The following FAT4 variants were observed in gnomAD, a reference collection of about 807,000 sequenced individuals.
FAT4 encodes the protein FAT atypical cadherin 4.
FAT4 carries 84 observed loss-of-function variants against 303.9 expected under a neutral mutation model. The observed-to-expected ratio is 0.28, with a 90% CI of 0.23 to 0.33. FAT4 has a LOEUF of 0.33. Ranked by LOEUF, FAT4 falls within the 10% of genes least tolerant of loss-of-function variation. FAT4 has a pLI of 1.00. For synonymous variants in FAT4, 2,307 were observed against 2,298.8 expected (o/e 1.00, Z -0.10); for missense variants, 6,005 against 6,146.8 (o/e 0.98, Z 0.77).
At chr4:125,324,257 T>G (rs1159515940) in intron 2 of FAT4, among the ~76,000 whole-genome samples, 2 of 152,226 alleles carry the variant, frequency 1.3e-5, no homozygotes, top group East Asian at 3.9e-4. Flanking sequence ...AATAGATATA[T>G]GTACTTCAGT....
chr4:125,357,618 T>C (rs1412036881), intron 2 of FAT4, among the ~76,000 whole-genome samples: 1 of 152,200 alleles, frequency 6.6e-6, no homozygotes, highest in Non-Finnish European at 1.5e-5. Flanking sequence ...CTCATTCTTA[T>C]GGATTTTACT....
chr4:125,400,028 C>A (rs1734323322), intron 3 of FAT4, among the ~76,000 whole-genome samples: 1 of 151,736 alleles, frequency 6.6e-6, no homozygotes, highest in Admixed American at 6.6e-5. Context: ...CATAAAATTT[C>A]ATTAACTCTT....
chr4:125,391,065 G>A (rs1733957547), intron 2 of FAT4, among the ~76,000 whole-genome samples: 1 of 152,154 alleles, frequency 6.6e-6, no homozygotes, highest in African/African-American at 2.4e-5. Flanking sequence ...CTTTTACACT[G>A]TTGGGGGTAA....
rs761822656 is a variant in FAT4, at chr4:125,320,410, C to T, written c.3999C>T (p.Leu1333=). The change falls in exon 2 of 18, where the codon CTC becomes CTT. Residue 1333 remains leucine (L), a synonymous_variant. Coordinates refer to ENST00000394329, the MANE Select transcript of FAT4 (RefSeq NM_001291303.3). The part of the protein sequence containing the change: ...DVLENMRIGE[L]VSSVTATDSD... ...TGGAAAACATGAGAATTGGTGAACTCGTGTCCTCTGTTACTGCAACTGATT... is the reference window on the plus strand; with the variant it reads ...TGGAAAACATGAGAATTGGTGAACTTGTGTCCTCTGTTACTGCAACTGATT... The T allele has an allele frequency of 1.2e-5, 19 of 1,613,854 alleles. No homozygotes were observed. Among genetic ancestry groups the T allele is most frequent in the African/African-American group, 5.3e-5 (4 of 74,924 alleles).
chr4:125,398,710 C>G (rs1734271817), intron 2 of FAT4, 74 bp from the exon 3 acceptor site: 1 of 1,471,252 alleles, frequency 6.8e-7, no homozygotes, highest in Non-Finnish European at 9.3e-7. Flanking sequence ...TGCGTGGATT[C>G]CTGGTAGTCA....
At chr4:125,337,468 C>T (rs910691029) in intron 2 of FAT4, among the ~76,000 whole-genome samples, 1 of 152,016 alleles carries the variant, frequency 6.6e-6, no homozygotes, top group Non-Finnish European at 1.5e-5. Context: ...TATACCTAAA[C>T]TTGCCTCCTA....
intron 14 of FAT4, chr4:125,477,539 TTATACA>T (rs1727073403): frequency 3.2e-6 from 1 of 310,396 alleles, no homozygotes; most frequent in African/African-American, 5.6e-5. Context: ...TTCTAGATTC[TTATACA>T]TATATATATA....
chr4:125,372,059 A>G (rs1181786040), intron 2 of FAT4, among the ~76,000 whole-genome samples: 1 of 152,072 alleles, frequency 6.6e-6, no homozygotes, highest in Non-Finnish European at 1.5e-5. Context: ...AAAAACGTTG[A>G]ATCAAGGCTG....
chr4:125,352,969 G>A (rs997813063), intron 2 of FAT4, among the ~76,000 whole-genome samples: 1 of 151,712 alleles, frequency 6.6e-6, no homozygotes, highest in Non-Finnish European at 1.5e-5. Flanking sequence ...CTTGATGAAT[G>A]TGTTTTTAAT....
At chr4:125,334,393 A>C (rs1051305255) in intron 2 of FAT4, among the ~76,000 whole-genome samples, 1 of 152,042 alleles carries the variant, frequency 6.6e-6, no homozygotes, top group African/African-American at 2.4e-5. Context: ...CCATTTGCAA[A>C]GATCCTGGAT....
chr4:125,488,736 G>C (rs1036603256), intron 17 of FAT4, among the ~76,000 whole-genome samples: 1 of 152,160 alleles, frequency 6.6e-6, no homozygotes, highest in African/African-American at 2.4e-5. Flanking sequence ...GGATGGATGG[G>C]CTGGAAATCA....
At position 125,317,329 on chromosome 4, in the gene FAT4, G is replaced by A. The variant is rs749113024; in HGVS notation, c.918G>A (p.Thr306=). ...FQMDPETGLI[T]VREPLDFEAR... is the part of the protein sequence containing the mutation. ...TGGACCCTGAGACGGGACTTATCAC[G>A]GTGCGGGAGCCCCTGGACTTCGAAG... Residue 306 remains threonine, a synonymous_variant, in exon 2 of 18, where the codon ACG becomes ACA. Coordinates refer to ENST00000394329, the MANE Select transcript of FAT4 (RefSeq NM_001291303.3). The surrounding 1 kb of genome is among the most constrained non-coding windows in gnomAD (Gnocchi z 7.0). 6.2e-7 allele frequency: 1 copy of A among 1,609,816 alleles called. No individual in the cohort carries two copies. Among genetic ancestry groups the A allele is most frequent in the African/African-American group, 1.3e-5 (1 of 74,978 alleles).
rs1039342851 is a variant in FAT4 at position 125,315,637 on chromosome 4, T to C, written c.-353T>C. ...CTGTTGTTTGTGCCGGACCACGGGC[T>C]TGAAGCCGCAACAGGGGCGGCGGCG... is the stretch of plus-strand genomic sequence containing the variant. On this transcript the variant is annotated 5_prime_UTR_variant, in exon 1 of 18. Transcript: ENST00000394329. Among the ~76,000 whole-genome samples, 1 of 152,160 alleles carries C rather than the reference T, an allele frequency of 6.6e-6. No homozygotes were observed. The highest frequency in any genetic ancestry group is 1.5e-5 in the Non-Finnish European group (1 of 68,024).
At chr4:125,407,747 A>AT (rs1023975029) in intron 4 of FAT4, among the ~76,000 whole-genome samples, 51 of 151,904 alleles carry the variant, frequency 3.4e-4, no homozygotes, top group Non-Finnish European at 5.2e-4. Flanking sequence ...TTATATTGTG[A>AT]TTTTTTTTAG....
chr4:125,324,309 C>G (rs1307184890), intron 2 of FAT4, among the ~76,000 whole-genome samples: 1 of 150,008 alleles, frequency 6.7e-6, no homozygotes, highest in Non-Finnish European at 1.5e-5. Context: ...GAACATGCAA[C>G]TTAGGAACGT....
intron 2 of FAT4, among the ~76,000 whole-genome samples, chr4:125,354,146 T>A (rs1732338480): frequency 6.6e-6 from 1 of 151,724 alleles, no homozygotes; most frequent in Non-Finnish European, 1.5e-5. Flanking sequence ...TTCTGTAAAC[T>A]GCTATTACTA....
At position 125,490,651 on chromosome 4, in the gene FAT4, T is replaced by G; in HGVS notation, c.13835T>G (p.Leu4612Trp). ...TCAGAAACCATCCCCAGCGCCCCTT[T>G]GGCATCTCCAGAGCAGGAGATAGAG... is the stretch of plus-strand genomic sequence containing the variant. ...HNSETIPSAPLASPEQEIEHY... is the reference protein window; with the variant it reads ...HNSETIPSAPWASPEQEIEHY... The change falls in exon 18 of 18, where the codon TTG becomes TGG. Residue 4612 changes from leucine to tryptophan, a missense_variant. By Grantham distance (61) the Leu-to-Trp change is moderately conservative. Coordinates refer to ENST00000394329, the MANE Select transcript of FAT4 (RefSeq NM_001291303.3). 1 of 1,614,132 alleles carries G rather than the reference T, an allele frequency of 6.2e-7. No homozygotes were observed. Among genetic ancestry groups the G allele is most frequent in the Non-Finnish European group, 8.5e-7 (1 of 1,180,024 alleles).
In FAT4 at chr4:125,490,688, T is replaced by G; in HGVS notation, c.13872T>G (p.Ile4624Met). The change falls in exon 18 of 18, where the codon ATT (isoleucine) becomes ATG (methionine). Residue 4624 changes from isoleucine (I) to methionine (M), a missense_variant. Transcript: ENST00000394329. ...SPEQEIEHYD[I>M]DNASSIAPSD... ...AGCAGGAGATAGAGCACTATGACAT[T>G]GACAACGCCAGCAGCATCGCCCCTT... is the stretch of plus-strand genomic sequence containing the variant. 1 of 1,614,070 alleles carries G rather than the reference T, an allele frequency of 6.2e-7. No homozygotes were observed. Among genetic ancestry groups the G allele is most frequent in the Non-Finnish European group, 8.5e-7 (1 of 1,180,018 alleles).
At position 125,317,693 on chromosome 4, in the gene FAT4, C is replaced by T; in HGVS notation, c.1282C>T (p.Arg428Cys). The T allele has an allele frequency of 1.2e-6, 2 of 1,614,054 alleles. No homozygotes were observed. The highest frequency in any genetic ancestry group is 8.5e-7 in the Non-Finnish European group (1 of 1,179,994). ...SLIKVASALD[R>C]ERIPSYNLTV... The stretch of plus-strand genomic sequence containing the variant: ...AATCAAGGTGGCCAGCGCCTTGGAC[C>T]GCGAGCGCATCCCTTCCTACAACCT... Residue 428 changes from arginine to cysteine, a missense_variant, in exon 2 of 18, where the codon CGC (arginine) becomes TGC (cysteine). Transcript: ENST00000394329. This position sits in a 1 kb window ranked among gnomAD's most constrained non-coding sequence, Gnocchi z 7.0.
Sources: allele counts gnomAD v4.1 joint callset (sites outside exome capture counted in the v4.1 genomes callset), GRCh38; gene constraint gnomAD v4.1.1; non-coding constraint Gnocchi (gnomAD v3.1); transcripts MANE v1.5; gene names NCBI Gene and HGNC (gene_info 2026-07-23, HGNC 2026-07-21).